The following NOL4 variants were observed in gnomAD, a reference collection of about 807,000 sequenced individuals.
The protein encoded by NOL4 is nucleolar protein 4.
In NOL4, 17 loss-of-function variants were observed where a neutral mutation model predicts 75.9. The ratio of observed to expected loss-of-function variants is 0.22; its 90% confidence interval spans 0.15 to 0.34. NOL4 has a LOEUF of 0.34. Ranked by LOEUF, NOL4 falls within the 10% of genes least tolerant of loss-of-function variation. The pLI, the probability that NOL4 is intolerant of heterozygous loss-of-function variation, is 1.00. For synonymous variants in NOL4, 292 were observed against 289.9 expected (o/e 1.01, Z -0.07); for missense variants, 614 against 793.5 (o/e 0.77, Z 2.72).
intron 9 of NOL4, among the ~76,000 whole-genome samples, chr18:33,937,362 A>G (rs1006901365): frequency 2.0e-5 from 3 of 152,130 alleles, no homozygotes; most frequent in Non-Finnish European, 4.4e-5. Flanking sequence ...ATAAAATCCA[A>G]TTAATTCATC....
intron 1 of NOL4, among the ~76,000 whole-genome samples, chr18:34,137,779 T>TAC (rs1156472289): frequency 0.27 from 39,028 of 146,848 alleles, 5,179 homozygotes; most frequent in South Asian, 0.43. Context: ...ATATACGAAA[T>TAC]ACACACACAC....
intron 9 of NOL4, among the ~76,000 whole-genome samples, chr18:33,934,399 G>A (rs1010245063): frequency 6.6e-6 from 1 of 152,146 alleles, no homozygotes; most frequent in Non-Finnish European, 1.5e-5. Flanking sequence ...GAACTGTGAA[G>A]CCAGGCATTA....
rs372133527 is a variant in NOL4, at chr18:34,183,152, T to G, written c.264+39838A>C. Among the ~76,000 whole-genome samples the G allele has an allele frequency of 2.6e-5, 4 of 151,946 alleles. No homozygotes were observed. The East Asian group carries it at 7.7e-4, about 29-fold the overall frequency. On this transcript the variant is annotated intron_variant, in intron 1 of 10. Coordinates refer to ENST00000261592, the MANE Select transcript of NOL4 (RefSeq NM_003787.5). Reference sequence around the variant, plus strand: ...TAGGAGGAAATATTTGCAAATCACATTTCTGACAAAGGATTTGTATTTAGA... The same window carrying G: ...TAGGAGGAAATATTTGCAAATCACAGTTCTGACAAAGGATTTGTATTTAGA...
chr18:33,938,898 T>C (rs2068259612), intron 9 of NOL4, among the ~76,000 whole-genome samples: 1 of 152,180 alleles, frequency 6.6e-6, no homozygotes, highest in African/African-American at 2.4e-5. Context: ...TCTAGGGTTT[T>C]TATGGTTTTA....
chr18:33,883,718 T>C (rs1265123763), intron 9 of NOL4, among the ~76,000 whole-genome samples: 3 of 152,034 alleles, frequency 2.0e-5, no homozygotes, highest in Non-Finnish European at 4.4e-5. Context: ...CCTAAACATC[T>C]CTTGACAGAT....
chr18:33,892,996 C>A (rs2065187639), intron 9 of NOL4, among the ~76,000 whole-genome samples: 1 of 151,856 alleles, frequency 6.6e-6, no homozygotes, highest in African/African-American at 2.4e-5. Context: ...TTTCATTAGA[C>A]ATATTTCAAA....
At chr18:34,204,925 C>T (rs932804072) in intron 1 of NOL4, among the ~76,000 whole-genome samples, 1 of 152,114 alleles carries the variant, frequency 6.6e-6, no homozygotes, top group Non-Finnish European at 1.5e-5. Flanking sequence ...AAGTAGATAT[C>T]ATTTACTGTC....
chr18:34,029,204 T>C (rs1227921762), intron 5 of NOL4, among the ~76,000 whole-genome samples: 1 of 152,158 alleles, frequency 6.6e-6, no homozygotes, highest in Non-Finnish European at 1.5e-5. Flanking sequence ...ATAAACTATA[T>C]GATATCTCAG....
At chr18:34,070,561 T>TA (rs35666608) in intron 5 of NOL4, among the ~76,000 whole-genome samples, 58,705 of 152,014 alleles carry the variant, frequency 0.39, 11,859 homozygotes, top group South Asian at 0.54. Flanking sequence ...ACACAATCTT[T>TA]AAAGTACTCG....
intron 8 of NOL4, among the ~76,000 whole-genome samples, chr18:33,955,967 C>T (rs748473633): frequency 6.6e-6 from 1 of 152,042 alleles, no homozygotes; most frequent in Non-Finnish European, 1.5e-5. Flanking sequence ...CCTATATATT[C>T]CCTAAATATT....
intron 1 of NOL4, among the ~76,000 whole-genome samples, chr18:34,192,220 T>C (rs2034970017): frequency 6.6e-6 from 1 of 152,154 alleles, no homozygotes; most frequent in African/African-American, 2.4e-5. Flanking sequence ...AAAGACATCA[T>C]TGATGACACA....
chr18:34,079,625 G>A (rs143844159), intron 5 of NOL4, among the ~76,000 whole-genome samples: 2 of 151,676 alleles, frequency 1.3e-5, no homozygotes, highest in Non-Finnish European at 2.9e-5. Flanking sequence ...TATCCAGTAT[G>A]CTTTTCCCAG....
intron 5 of NOL4, among the ~76,000 whole-genome samples, chr18:34,027,316 A>G (rs2144597916): frequency 6.6e-6 from 1 of 152,254 alleles, no homozygotes; most frequent in South Asian, 2.1e-4. Context: ...TGGGGTCAGG[A>G]ATCATGGGAT....
chr18:34,023,173 C>T (rs2075140940), intron 5 of NOL4, among the ~76,000 whole-genome samples: 1 of 152,096 alleles, frequency 6.6e-6, no homozygotes, highest in Non-Finnish European at 1.5e-5. Flanking sequence ...TAATGTCTCA[C>T]AACACTGTCC....
At chr18:33,924,335 T>C (rs2067206543) in intron 9 of NOL4, among the ~76,000 whole-genome samples, 1 of 152,224 alleles carries the variant, frequency 6.6e-6, no homozygotes, top group Admixed American at 6.5e-5. Flanking sequence ...ACACCCTTGG[T>C]TCTGACCATA....
chr18:34,019,172 C>A (rs1184253688), intron 6 of NOL4, 146 bp downstream of exon 6: 1 of 655,766 alleles, frequency 1.5e-6, no homozygotes, highest in African/African-American at 1.8e-5. Flanking sequence ...ACACAATATG[C>A]TTGGTGATAA....
chr18:33,889,076 C>T (rs1273708001), intron 9 of NOL4, among the ~76,000 whole-genome samples: 1 of 151,916 alleles, frequency 6.6e-6, no homozygotes, highest in Non-Finnish European at 1.5e-5. Context: ...TCAATCAAAC[C>T]AGCAGCTGGT....
At chr18:33,854,110 A>G (rs1037680443) in intron 10 of NOL4, among the ~76,000 whole-genome samples, 21 of 152,142 alleles carry the variant, frequency 1.4e-4, no homozygotes, top group African/African-American at 4.8e-4. Flanking sequence ...ATAACTTGAA[A>G]ATGTTTTAAC....
At chr18:34,115,852 C>T (rs1440646323) in intron 2 of NOL4, among the ~76,000 whole-genome samples, 1 of 152,092 alleles carries the variant, frequency 6.6e-6, no homozygotes, top group Non-Finnish European at 1.5e-5. Context: ...TTCAGTGTCA[C>T]CCCAGACAAT....
Sources: gnomAD v4.1 joint callset for allele counts (sites outside exome capture counted in the v4.1 genomes callset) on GRCh38, gnomAD v4.1.1 for gene constraint, MANE v1.5 for transcripts, NCBI Gene and HGNC (gene_info 2026-07-23, HGNC 2026-07-21) for gene names.